COLEC12: variants seen among roughly 807,000 people sequenced by gnomAD.
The protein encoded by COLEC12 is collectin-12.
In COLEC12, 33 loss-of-function variants were observed where a neutral mutation model predicts 71.1. The ratio of observed to expected loss-of-function variants is 0.46; its 90% CI spans 0.35 to 0.62. The LOEUF is 0.62. Ranked by LOEUF, COLEC12 falls within the 20% of genes least tolerant of loss-of-function variation. The pLI is 0.00. For missense variants in COLEC12, 765 were observed against 916.1 expected (o/e 0.84, Z 2.13); for synonymous variants, 350 against 353.0 (o/e 0.99, Z 0.10).
intron 5 of COLEC12, among the ~76,000 whole-genome samples, chr18:343,013 G>A (rs1163684403): frequency 6.6e-6 from 1 of 152,140 alleles, no homozygotes; most frequent in Non-Finnish European, 1.5e-5. Flanking sequence ...GCTCATGCTA[G>A]AGACTTAGGA....
intron 2 of COLEC12, among the ~76,000 whole-genome samples, chr18:389,501 A>G (rs1374151781): frequency 1.3e-5 from 2 of 151,568 alleles, no homozygotes; most frequent in East Asian, 3.9e-4. Context: ...GATGGTCTTG[A>G]TCTCCTGACC....
chr18:434,950 T>C (rs897542790), intron 2 of COLEC12, among the ~76,000 whole-genome samples: 2 of 152,214 alleles, frequency 1.3e-5, no homozygotes, highest in African/African-American at 4.8e-5. Flanking sequence ...GAGGCCATGC[T>C]CACAACATTT....
chr18:325,680 G>A (rs761867378), intron 8 of COLEC12, among the ~76,000 whole-genome samples: 10 of 81,608 alleles, frequency 1.2e-4, no homozygotes, highest in Middle Eastern at 0.014. Context: ...GTTCTGTCTC[G>A]GAAAAAAGAA....
chr18:428,914 G>A (rs965955075), intron 2 of COLEC12, among the ~76,000 whole-genome samples: 2 of 152,142 alleles, frequency 1.3e-5, no homozygotes, highest in Admixed American at 1.3e-4. Context: ...CCGTAAAGGG[G>A]CTTTTATAAA....
In COLEC12 at chr18:321,602, C is replaced by A. The variant is rs1913705446; in HGVS notation, c.2209+60G>T. 3 of 1,594,756 alleles carry A rather than the reference C, an allele frequency of 1.9e-6. No individual in the cohort carries two copies. The South Asian group carries it at 3.3e-5, about 18-fold the overall frequency. ...ATTCAGGGCCCTTGTACTCACCACC[C>A]CTCACCCTTTCATAGGACATAAGCT... On this transcript the variant is annotated intron_variant, in intron 9 of 9. Transcript: ENST00000400256.
intron 4 of COLEC12, among the ~76,000 whole-genome samples, 177 bp downstream of exon 4, chr18:347,888 C>T (rs1914420952): frequency 6.6e-6 from 1 of 152,014 alleles, no homozygotes; most frequent in Non-Finnish European, 1.5e-5. Flanking sequence ...CCAAAACTGA[C>T]CCTTAACTTT....
intron 2 of COLEC12, among the ~76,000 whole-genome samples, chr18:476,492 C>T (rs949064194): frequency 2.6e-5 from 4 of 152,214 alleles, no homozygotes; most frequent in Admixed American, 1.3e-4. Flanking sequence ...ATCATCCTAA[C>T]TTTGGACGTC....
At chr18:494,532 C>A (rs8098978) in intron 1 of COLEC12, among the ~76,000 whole-genome samples, 52,197 of 151,952 alleles carry the variant, frequency 0.34, 9,362 homozygotes, top group African/African-American at 0.44. Flanking sequence ...GCCTGAGGTC[C>A]CCAGGCTCTC....
chr18:441,144 A>T lies in COLEC12; in HGVS notation c.58+39563T>A, dbSNP rs537782532. 9.5e-4 allele frequency among the ~76,000 whole-genome samples: 139 copies of T among 145,850 alleles called. 1 individual carries two copies. The highest frequency in any genetic ancestry group is 4.5e-3 in the East Asian group (22 of 4,870). On this transcript the variant is annotated intron_variant, in intron 2 of 9. Transcript: ENST00000400256. The stretch of plus-strand genomic sequence containing the variant: ...GCGCCTGTAGTCCCAGCTGCTGGGG[A>T]GGCTGAGGCAGGAGAATGGCGTGAA...
chr18:352,421 T>C (rs1214460697), intron 3 of COLEC12, among the ~76,000 whole-genome samples: 1 of 152,174 alleles, frequency 6.6e-6, no homozygotes, highest in East Asian at 1.9e-4. Flanking sequence ...TTTTCTTCCA[T>C]TTTAGTTTTG....
chr18:416,009 G>A (rs1317727766), intron 2 of COLEC12, among the ~76,000 whole-genome samples: 2 of 152,214 alleles, frequency 1.3e-5, no homozygotes, highest in Non-Finnish European at 2.9e-5. Flanking sequence ...AATAGTACTA[G>A]TTCCTTGTCA....
chr18:333,679 A>C (rs1914036379), intron 6 of COLEC12: 1 of 152,340 alleles, frequency 6.6e-6, no homozygotes, highest in African/African-American at 2.4e-5. Context: ...GCACCGTAAC[A>C]TCTAACACCT....
intron 2 of COLEC12, among the ~76,000 whole-genome samples, chr18:383,635 T>A (rs562101894): frequency 1.3e-5 from 2 of 152,026 alleles, no homozygotes; most frequent in African/African-American, 4.8e-5. Flanking sequence ...CAACAATAGG[T>A]TGTAACCTCC....
chr18:423,195 G>A (rs917740998), intron 2 of COLEC12, among the ~76,000 whole-genome samples: 2 of 152,134 alleles, frequency 1.3e-5, no homozygotes, highest in Admixed American at 1.3e-4. Flanking sequence ...CTTGAGCCCA[G>A]GAAGTCAAGG....
intron 2 of COLEC12, among the ~76,000 whole-genome samples, chr18:428,631 G>A (rs2143668763): frequency 6.6e-6 from 1 of 152,246 alleles, no homozygotes; most frequent in East Asian, 1.9e-4. Flanking sequence ...TTTAAATAAG[G>A]TATTACTTCT....
At chr18:484,714 T>C (rs919785143) in intron 1 of COLEC12, among the ~76,000 whole-genome samples, 1 of 152,220 alleles carries the variant, frequency 6.6e-6, no homozygotes, top group Non-Finnish European at 1.5e-5. Context: ...GTTAACTTTG[T>C]TTTAGTCAAT....
chr18:417,136 C>T (rs1339733677), intron 2 of COLEC12, among the ~76,000 whole-genome samples: 1 of 152,006 alleles, frequency 6.6e-6, no homozygotes, highest in African/African-American at 2.4e-5. Context: ...ATCATGCAAA[C>T]ATCACAGAGT....
At chr18:380,681 T>G (rs951823590) in intron 2 of COLEC12, among the ~76,000 whole-genome samples, 4 of 152,140 alleles carry the variant, frequency 2.6e-5, no homozygotes, top group African/African-American at 9.7e-5. Context: ...GCCCCTGCCA[T>G]GAAGTTTCTG....
chr18:406,124 G>A (rs1239810835), intron 2 of COLEC12, among the ~76,000 whole-genome samples: 5 of 152,204 alleles, frequency 3.3e-5, no homozygotes, highest in South Asian at 4.2e-4. Flanking sequence ...AGATGCCATG[G>A]CAACATCAGG....
Sources: gnomAD v4.1 joint callset for allele counts (sites outside exome capture counted in the v4.1 genomes callset) on GRCh38, gnomAD v4.1.1 for gene constraint, MANE v1.5 for transcripts, NCBI Gene and HGNC (gene_info 2026-07-23, HGNC 2026-07-21) for gene names.